The following DHCR24 variants were observed in gnomAD, a reference collection of about 807,000 sequenced individuals.
DHCR24 encodes the protein 24-dehydrocholesterol reductase, also known as delta(24)-sterol reductase.
A neutral mutation model predicts 61.2 loss-of-function variants in DHCR24; 28 were observed. The observed-to-expected ratio is 0.46, with a 90% confidence interval of 0.34 to 0.63. DHCR24 has a LOEUF of 0.63. Among genes scored for constraint, DHCR24 ranks in the 20% least tolerant of loss-of-function variants. DHCR24 has a pLI of 0.01. For synonymous variants in DHCR24, 261 were observed against 275.9 expected (o/e 0.95, Z 0.54); for missense variants, 538 against 679.1 (o/e 0.79, Z 2.31).
chr1:54,856,865 T>C (rs1440870758), intron 6 of DHCR24, among the ~76,000 whole-genome samples: 2 of 152,222 alleles, frequency 1.3e-5, no homozygotes, highest in African/African-American at 2.4e-5. Flanking sequence ...CCAGACAATG[T>C]AGAACACTGT....
rs564158150 is a variant in DHCR24, at chr1:54,864,928, G to C, written c.1020+375C>G. ...CACAGCCAGGCTTGGCTGTTACCTCGAGCCCTAGGCAGAACTAGCCACTTC... is the reference window on the plus strand; with the variant it reads ...CACAGCCAGGCTTGGCTGTTACCTCCAGCCCTAGGCAGAACTAGCCACTTC... On this transcript the variant is annotated intron_variant, in intron 6 of 8. Transcript: ENST00000371269. 1.2e-4 allele frequency among the ~76,000 whole-genome samples: 19 copies of C among 152,202 alleles called. No homozygotes were observed. In the East Asian group the frequency reaches 2.1e-3, roughly 17 times the overall value.
At position 54,851,965 on chromosome 1, in the gene DHCR24, G is replaced by C. The variant is rs929018932; in HGVS notation, c.*268C>G. On this transcript the variant is annotated 3_prime_UTR_variant, in exon 9 of 9. Coordinates refer to ENST00000371269, the MANE Select transcript of DHCR24 (RefSeq NM_014762.4). ...ACTAATGAAGAGACCCGGGCTCAGA[G>C]GGGTTAAGGGACTCACCCAGAGTCA... The C allele has an allele frequency of 3.8e-6, 2 of 526,416 alleles. No individual in the cohort carries two copies. Among genetic ancestry groups the C allele is most frequent in the Non-Finnish European group, 6.9e-6 (2 of 290,438 alleles). 32.6% of individuals were successfully genotyped at this position (526,416 alleles called of 1,614,324 possible). A position where few individuals can be genotyped will look rare whatever the true frequency, so the allele number is the denominator to read the frequency against.
At chr1:54,867,434 TGGCAA>T (rs1240569249) in intron 5 of DHCR24, among the ~76,000 whole-genome samples, 1 of 152,128 alleles carries the variant, frequency 6.6e-6, no homozygotes, top group Non-Finnish European at 1.5e-5. Context: ...CTGGGGCACT[TGGCAA>T]ATATCCCTCT....
Position 54,883,815 on chromosome 1 carries a change from T to TC in DHCR24, c.232-43dup. 1 of 1,612,856 alleles carries TC rather than the reference T, an allele frequency of 6.2e-7. No homozygotes were observed. The highest frequency in any genetic ancestry group is 8.5e-7 in the Non-Finnish European group (1 of 1,179,918). ...GAGGGTGAGCTGGCCCCACTGGGAA[T>TC]CCCCAGAGCAGCCTGCAGCCCTGCT... On this transcript the variant is annotated intron_variant, in intron 1 of 8. Transcript: ENST00000371269. This position sits in a 1 kb window ranked among gnomAD's most constrained non-coding sequence, Gnocchi z 4.3.
At chr1:54,877,408 C>T in intron 2 of DHCR24, among the ~76,000 whole-genome samples, 1 of 151,260 alleles carries the variant, frequency 6.6e-6, no homozygotes, top group African/African-American at 2.4e-5. Context: ...CCACATTTAC[C>T]CTGCTGCCTG....
rs1647072978 is a variant in DHCR24 at position 54,883,090 on chromosome 1, T to C, written c.387+528A>G. 6.6e-6 allele frequency among the ~76,000 whole-genome samples: 1 copy of C among 152,176 alleles called. No homozygotes were observed. Among genetic ancestry groups the C allele is most frequent in the South Asian group, 2.1e-4 (1 of 4,818 alleles). Reference sequence around the variant, plus strand: ...TTAATGACTACCCTATTATTGGATATTGTGTTGTTGTCAATTAGAAATAAA... The same window carrying C: ...TTAATGACTACCCTATTATTGGATACTGTGTTGTTGTCAATTAGAAATAAA... On this transcript the variant is annotated intron_variant, in intron 2 of 8. Transcript: ENST00000371269. This position sits in a 1 kb window ranked among gnomAD's most constrained non-coding sequence, Gnocchi z 4.3.
chr1:54,856,351 G>A (rs887431589), intron 6 of DHCR24, among the ~76,000 whole-genome samples: 10 of 152,254 alleles, frequency 6.6e-5, no homozygotes, highest in African/African-American at 1.7e-4. Flanking sequence ...TAATCCCAGC[G>A]CTTTGGGAGG....
chr1:54,867,838 T>C (rs1646975535), intron 5 of DHCR24, among the ~76,000 whole-genome samples: 1 of 152,154 alleles, frequency 6.6e-6, no homozygotes, highest in African/African-American at 2.4e-5. Context: ...CAGCTCAATG[T>C]CCGGTATTGC....
intron 6 of DHCR24, among the ~76,000 whole-genome samples, chr1:54,855,368 T>C (rs1312664918): frequency 2.2e-5 from 3 of 138,692 alleles, no homozygotes; most frequent in Non-Finnish European, 4.6e-5. Flanking sequence ...CACTCCAGTG[T>C]GGGCGACAGA....
chr1:54,855,394 C>CA (rs34849017), intron 6 of DHCR24, among the ~76,000 whole-genome samples: 1,381 of 117,632 alleles, frequency 0.012, 20 homozygotes, highest in African/African-American at 0.037. Flanking sequence ...ACTCCGTCTC[C>CA]AAAAAAAAAA....
chr1:54,882,915 G>A (rs1455918980), intron 2 of DHCR24, among the ~76,000 whole-genome samples: 1 of 151,994 alleles, frequency 6.6e-6, no homozygotes, highest in African/African-American at 2.4e-5. Context: ...GGGGTGTGAT[G>A]GGTATGTTTG....
intron 1 of DHCR24, among the ~76,000 whole-genome samples, chr1:54,886,245 G>A (rs1426001690): frequency 1.3e-5 from 2 of 152,172 alleles, no homozygotes; most frequent in African/African-American, 4.8e-5. Context: ...GAGATGGACC[G>A]ACTGCCTTTG....
chr1:54,879,352 A>AAAAAAAAAAAAAAAG (rs573285056), intron 2 of DHCR24, among the ~76,000 whole-genome samples: 3 of 128,232 alleles, frequency 2.3e-5, no homozygotes, highest in African/African-American at 6.2e-5. Context: ...AAAAAAAAAA[A>AAAAAAAAAAAAAAAG]TCCAAATCAA....
At chr1:54,881,131 C>A (rs1045209012) in intron 2 of DHCR24, among the ~76,000 whole-genome samples, 5 of 152,198 alleles carry the variant, frequency 3.3e-5, no homozygotes, top group African/African-American at 1.2e-4. Context: ...GCCAGGGCGA[C>A]AGAGTGAAAC....
At chr1:54,859,331 C>G (rs1488243434) in intron 6 of DHCR24, among the ~76,000 whole-genome samples, 1 of 152,212 alleles carries the variant, frequency 6.6e-6, no homozygotes, top group African/African-American at 2.4e-5. Context: ...CAGCCACTCC[C>G]AAATCCTTGA....
intron 5 of DHCR24, among the ~76,000 whole-genome samples, chr1:54,868,471 A>C (rs1646979767): frequency 6.6e-6 from 1 of 152,002 alleles, no homozygotes; most frequent in South Asian, 2.1e-4. Context: ...CTCTGTCTCA[A>C]AAAAAAACAA....
chr1:54,875,673 T>TG (rs1046747370), intron 3 of DHCR24, among the ~76,000 whole-genome samples: 1 of 151,988 alleles, frequency 6.6e-6, no homozygotes, highest in African/African-American at 2.4e-5. Flanking sequence ...GTGTGTTCCA[T>TG]GGGGGGGAAT....
chr1:54,864,362 T>G (rs999348587), intron 6 of DHCR24, among the ~76,000 whole-genome samples: 2 of 152,030 alleles, frequency 1.3e-5, no homozygotes, highest in Non-Finnish European at 2.9e-5. Context: ...TGAACTACTA[T>G]CCCGCCATAA....
At chr1:54,858,755 G>A (rs1646920948) in intron 6 of DHCR24, among the ~76,000 whole-genome samples, 13 of 152,114 alleles carry the variant, frequency 8.5e-5, no homozygotes, top group Admixed American at 8.5e-4. Context: ...TCCTGCCACA[G>A]CCTCCTGAGT....
Sources: allele counts gnomAD v4.1 joint callset (sites outside exome capture counted in the v4.1 genomes callset), GRCh38; gene constraint gnomAD v4.1.1; non-coding constraint Gnocchi (gnomAD v3.1); transcripts MANE v1.5; gene names NCBI Gene and HGNC (gene_info 2026-07-23, HGNC 2026-07-21).